RIMS3: variants seen among roughly 807,000 people sequenced by gnomAD.
The protein encoded by RIMS3 is regulating synaptic membrane exocytosis protein 3.
A neutral mutation model predicts 29.2 loss-of-function variants in RIMS3; 15 were observed. The ratio of observed to expected loss-of-function variants is 0.51; its 90% confidence interval spans 0.34 to 0.79. The LOEUF is 0.79. Among genes scored for constraint, RIMS3 ranks in the 30% least tolerant of loss-of-function variants. The probability of loss-of-function intolerance (pLI) is 0.01; values close to 1 mark genes in which losing one functional copy is unlikely to be tolerated. For synonymous variants in RIMS3, 161 were observed against 170.1 expected, an observed-to-expected ratio of 0.95 and a Z score of 0.41; for missense variants, 342 against 421.4, an observed-to-expected ratio of 0.81 and a Z score of 1.65.
the RIMS3 span, among the ~76,000 whole-genome samples, chr1:40,675,010 C>T: frequency 1.3e-5 from 2 of 152,142 alleles, no homozygotes; most frequent in African/African-American, 4.8e-5. Context: ...CACAAAACCC[C>T]AGAACTTCGA....
the RIMS3 span, among the ~76,000 whole-genome samples, chr1:40,674,897 T>C: frequency 6.6e-6 from 1 of 152,158 alleles, no homozygotes; most frequent in African/African-American, 2.4e-5. Flanking sequence ...CAGCACAAAA[T>C]GAACTAAGAC....
At chr1:40,681,877 C>T in the RIMS3 span, among the ~76,000 whole-genome samples, 6 of 152,122 alleles carry the variant, frequency 3.9e-5, no homozygotes, top group Non-Finnish European at 7.3e-5. Flanking sequence ...CTTGTCACTC[C>T]GACTGGAGTG....
intron 5 of RIMS3, among the ~76,000 whole-genome samples, chr1:40,631,371 C>T (rs985448384): frequency 2.0e-5 from 3 of 152,136 alleles, no homozygotes; most frequent in African/African-American, 4.8e-5. Context: ...CCCTACCTCG[C>T]CCCCACCCAG....
At position 40,626,389 on chromosome 1, in the gene RIMS3, G is replaced by T; in HGVS notation, c.*128C>A. The T allele has an allele frequency of 1.2e-6, 1 of 867,926 alleles. No homozygotes were observed. The highest frequency in any genetic ancestry group is 1.9e-6 in the Non-Finnish European group (1 of 537,372). 53.8% of individuals were successfully genotyped at this position (867,926 alleles called of 1,614,324 possible). On this transcript the variant is annotated 3_prime_UTR_variant, in exon 8 of 8. Transcript: ENST00000372684. Reference sequence around the variant, plus strand: ...CAGTCTCCACTGCCAGCTGGGATGAGCCCAGTAGCCAACAGGCATGCAGCA... The same window carrying T: ...CAGTCTCCACTGCCAGCTGGGATGATCCCAGTAGCCAACAGGCATGCAGCA...
chr1:40,623,518 A>G lies in RIMS3; in HGVS notation c.*2999T>C, dbSNP rs1646434897. 2.5e-6 allele frequency: 1 copy of G among 398,640 alleles called. No homozygotes were observed. Among genetic ancestry groups the G allele is most frequent in the Non-Finnish European group, 4.4e-6 (1 of 226,090 alleles). The allele number at this position is 398,640 out of a possible 1,614,324, so 24.7% of individuals were successfully genotyped here. A position where few individuals can be genotyped will look rare whatever the true frequency, so the allele number is the denominator to read the frequency against. Reference sequence around the variant, plus strand: ...ACAGTGAACCTCGCCTGACCAGAGGAGGTGGAATGACAAAGAGCTCCATTC... The same window carrying G: ...ACAGTGAACCTCGCCTGACCAGAGGGGGTGGAATGACAAAGAGCTCCATTC... On this transcript the variant is annotated 3_prime_UTR_variant, in exon 8 of 8. Coordinates refer to ENST00000372684, the MANE Select transcript of RIMS3 (RefSeq NM_014747.3).
At position 40,643,374 on chromosome 1, in the gene RIMS3, C is replaced by G. The variant is rs563636346; in HGVS notation, c.-31-1418G>C. The stretch of plus-strand genomic sequence containing the variant: ...TCTCGAACTCCTGACCCCAGGTAAT[C>G]TGCCTGCCACAGCCTTTCAAAGTGC... On this transcript the variant is annotated intron_variant, in intron 2 of 7. Transcript: ENST00000372684. Among the ~76,000 whole-genome samples, 8 of 152,128 alleles carry G rather than the reference C, an allele frequency of 5.3e-5. No homozygotes were observed. In the South Asian group the frequency reaches 1.7e-3, roughly 32 times the overall value.
chr1:40,656,192 C>A (rs145705292), intron 1 of RIMS3, among the ~76,000 whole-genome samples: 1 of 152,302 alleles, frequency 6.6e-6, no homozygotes, highest in East Asian at 1.9e-4. Context: ...CAAGAACAGG[C>A]CTCTACACTC....
rs371406864 is a variant in RIMS3 at position 40,633,136 on chromosome 1, G to A, written c.405C>T (p.Ser135=). 7.4e-5 allele frequency: 120 copies of A among 1,614,002 alleles called. No individual in the cohort carries two copies. Among genetic ancestry groups the A allele is most frequent in the Non-Finnish European group, 8.0e-5 (94 of 1,179,982 alleles). The change falls in exon 5 of 8, where the codon AGC becomes AGT. Residue 135 remains serine (S), a synonymous_variant. Coordinates refer to ENST00000372684, the MANE Select transcript of RIMS3 (RefSeq NM_014747.3). The part of the protein sequence containing the change: ...TTRLGAESQF[S]DFLDGLGPAQ... The stretch of plus-strand genomic sequence containing the variant: ...CTGGTCCCAGCCCATCCAGGAAATC[G>A]CTGAACTGGCTTTCAGCCCCTAGCC...
chr1:40,688,033 C>T, the RIMS3 span, among the ~76,000 whole-genome samples: 4 of 152,180 alleles, frequency 2.6e-5, no homozygotes, highest in Admixed American at 1.3e-4. Context: ...GGTGCGATCT[C>T]GGCTCATTGC....
At chr1:40,691,799 G>GC in the RIMS3 span, 1 of 449,970 alleles carries the variant, frequency 2.2e-6, no homozygotes, top group Non-Finnish European at 4.5e-6. Context: ...CCGCGCCTGG[G>GC]CCTCTGCATT....
At position 40,644,637 on chromosome 1, in the gene RIMS3, A is replaced by G. The variant is rs185191277; in HGVS notation, c.-31-2681T>C. On this transcript the variant is annotated intron_variant, in intron 2 of 7. Transcript: ENST00000372684. ...AGGAGTCCATGGCTCTGTTTTTAAC[A>G]GAGCTGGGATCTCCAGCTGTTGGCC... Among the ~76,000 whole-genome samples the G allele has an allele frequency of 4.2e-3, 638 of 152,342 alleles. 10 individuals carry two copies. The highest frequency in any genetic ancestry group is 0.015 in the African/African-American group (614 of 41,578).
chr1:40,650,644 G>GT (rs1374537756), intron 1 of RIMS3, among the ~76,000 whole-genome samples: 2 of 151,638 alleles, frequency 1.3e-5, no homozygotes, highest in Non-Finnish European at 2.9e-5. Context: ...GGTGAATCGC[G>GT]TGAGCCCAGG....
chr1:40,629,020 T>A, intron 6 of RIMS3, 71 bp from the exon 7 acceptor site: 9 of 1,580,830 alleles, frequency 5.7e-6, no homozygotes, highest in Non-Finnish European at 7.8e-6. Context: ...ATCCCCTAAC[T>A]GCCAGGTGAT....
rs898284878 is a variant in RIMS3, at chr1:40,628,671, G to C, written c.714+139C>G. On this transcript the variant is annotated intron_variant, in intron 7 of 7. Transcript: ENST00000372684. ...AACTGGGGACAGTAATACCTCACAG[G>C]GTTGTGAAAGTAAATGAGTAACGCA... is the stretch of plus-strand genomic sequence containing the variant. 9 of 1,172,954 alleles carry C rather than the reference G, an allele frequency of 7.7e-6. No individual in the cohort carries two copies. In the East Asian group the frequency reaches 2.1e-4, roughly 28 times the overall value. The allele number at this position is 1,172,954 out of a possible 1,614,324, so 72.7% of individuals were successfully genotyped here.
chr1:40,677,027 C>A, the RIMS3 span, among the ~76,000 whole-genome samples: 1 of 146,514 alleles, frequency 6.8e-6, no homozygotes, highest in African/African-American at 2.5e-5. Context: ...GAGATAGAGT[C>A]TCTCTCTGTC....
At chr1:40,691,499 G>A in the RIMS3 span, 1,946 of 305,368 alleles carry the variant, frequency 6.4e-3, 19 homozygotes, top group Middle Eastern at 0.012. Flanking sequence ...AGCGCCTCCG[G>A]ATCCCCCGAA....
intron 1 of RIMS3, among the ~76,000 whole-genome samples, chr1:40,660,538 CA>C (rs1642337332): frequency 6.6e-6 from 1 of 151,880 alleles, no homozygotes; most frequent in Admixed American, 6.6e-5. Context: ...CCACCATGCC[CA>C]GCTAATTTTT....
At chr1:40,666,349 G>A (rs1207078643), upstream of RIMS3, among the ~76,000 whole-genome samples, 1 of 152,192 alleles carries the variant, frequency 6.6e-6, no homozygotes, top group Non-Finnish European at 1.5e-5. Context: ...GTTGCTACTG[G>A]CGTCTCATGA....
chr1:40,634,114 T>G (rs1168986954), intron 4 of RIMS3, among the ~76,000 whole-genome samples: 2 of 152,090 alleles, frequency 1.3e-5, no homozygotes, highest in African/African-American at 4.8e-5. Context: ...CTGCCAACCC[T>G]CAGGGGCTAT....
Sources: allele counts gnomAD v4.1 joint callset (sites outside exome capture counted in the v4.1 genomes callset), GRCh38; gene constraint gnomAD v4.1.1; transcripts MANE v1.5; gene names NCBI Gene and HGNC (gene_info 2026-07-23, HGNC 2026-07-21).